The following LRPPRC variants were observed in gnomAD, a reference collection of about 807,000 sequenced individuals.
The protein encoded by LRPPRC is leucine-rich PPR motif-containing protein, mitochondrial.
In LRPPRC, 120 loss-of-function variants were observed where a neutral mutation model predicts 180.3. That is an observed-to-expected ratio of 0.67 (90% CI 0.57 to 0.77). The LOEUF (loss-of-function observed/expected upper bound fraction) is 0.77, where lower values mean the gene tolerates loss of function less well. Ranked by LOEUF, LRPPRC falls within the 30% of genes least tolerant of loss-of-function variation. The pLI is 0.00. For missense variants in LRPPRC, 2,012 were observed against 1,657.2 expected (o/e 1.21, Z -3.72); for synonymous variants, 723 against 600.0 (o/e 1.21, Z -3.00).
At chr2:43,912,580 A>C (rs1351696676) in intron 29 of LRPPRC, 22 bp from the exon 30 acceptor site, 1 of 1,599,436 alleles carries the variant, frequency 6.3e-7, no homozygotes, top group Admixed American at 1.7e-5. Flanking sequence ...AACAGACAAA[A>C]AAAATGAGAT....
In LRPPRC at chr2:43,946,375, C is replaced by T. The variant is rs1672682750; in HGVS notation, c.2080-132G>A. Reference sequence around the variant, plus strand: ...AAATAAATGGTTTCATGTTAACAACCTGACTCTGCCCCTTGATATTTTTAT... The same window carrying T: ...AAATAAATGGTTTCATGTTAACAACTTGACTCTGCCCCTTGATATTTTTAT... On this transcript the variant is annotated intron_variant, in intron 20 of 37. Transcript: ENST00000260665. The T allele has an allele frequency of 7.2e-6, 5 of 696,632 alleles. No individual in the cohort carries two copies. In the Admixed American group the frequency reaches 8.5e-5, roughly 12 times the overall value. 43.2% of individuals were successfully genotyped at this position (696,632 alleles called of 1,614,324 possible).
chr2:43,919,057 G>A (rs545431355), intron 27 of LRPPRC, among the ~76,000 whole-genome samples: 1 of 152,060 alleles, frequency 6.6e-6, no homozygotes, highest in Non-Finnish European at 1.5e-5. Context: ...TACGGTGGGT[G>A]GGCAAGTGAG....
At chr2:43,960,438 CA>C in intron 13 of LRPPRC, 102 bp downstream of exon 13, 1 of 760,414 alleles carries the variant, frequency 1.3e-6, no homozygotes, top group East Asian at 2.5e-5. Context: ...TTTAACAAAA[CA>C]TATAAACCTT....
intron 26 of LRPPRC, 66 bp downstream of exon 26, chr2:43,925,827 A>T: frequency 9.8e-7 from 1 of 1,019,078 alleles, no homozygotes; most frequent in Middle Eastern, 2.0e-4. Context: ...TCTTCATGTG[A>T]TACAGAGGAC....
At chr2:43,980,775 T>C (rs1316139522) in intron 2 of LRPPRC, among the ~76,000 whole-genome samples, 1 of 152,202 alleles carries the variant, frequency 6.6e-6, no homozygotes, top group Non-Finnish European at 1.5e-5. Context: ...ATTCCATTTA[T>C]ATGAAATATC....
rs1442934533 is a variant in LRPPRC at position 43,887,577 on chromosome 2, G to A, written c.*1023C>T. 6.6e-6 allele frequency: 1 copy of A among 152,176 alleles called. No homozygotes were observed. Among genetic ancestry groups the A allele is most frequent in the African/African-American group, 2.4e-5 (1 of 41,438 alleles). The allele number at this position is 152,176 out of a possible 1,614,324, so 9.4% of individuals were successfully genotyped here. On this transcript the variant is annotated 3_prime_UTR_variant, in exon 38 of 38. Transcript: ENST00000260665. The stretch of plus-strand genomic sequence containing the variant: ...CAAGGAATACCCCAAAATGGGGAGA[G>A]TTCTCAAAACATTTTCAACATTTCG...
At chr2:43,945,518 C>G (rs1477579698) in intron 21 of LRPPRC, 101 bp from the exon 22 acceptor site, 4 of 753,736 alleles carry the variant, frequency 5.3e-6, no homozygotes, top group African/African-American at 1.7e-5. Context: ...ATCAGAAGAC[C>G]TGAACTAATG....
chr2:43,921,162 C>G (rs1417656508), intron 27 of LRPPRC, among the ~76,000 whole-genome samples: 2 of 152,082 alleles, frequency 1.3e-5, no homozygotes, highest in Non-Finnish European at 2.9e-5. Context: ...TGTGGTGGTG[C>G]ATGCCTATAA....
chr2:43,895,722 G>A (rs1164227588), intron 35 of LRPPRC, among the ~76,000 whole-genome samples: 2 of 152,096 alleles, frequency 1.3e-5, no homozygotes, highest in Non-Finnish European at 1.5e-5. Flanking sequence ...CTCCCAAACT[G>A]GACACAGCCT....
intron 25 of LRPPRC, among the ~76,000 whole-genome samples, chr2:43,931,628 G>A (rs1672091416): frequency 6.6e-6 from 1 of 152,150 alleles, no homozygotes; most frequent in African/African-American, 2.4e-5. Flanking sequence ...TAAGGTAATG[G>A]TGGTGGATTT....
intron 14 of LRPPRC, among the ~76,000 whole-genome samples, chr2:43,953,387 C>A (rs1356730576): frequency 2.0e-5 from 3 of 152,230 alleles, no homozygotes; most frequent in Non-Finnish European, 4.4e-5. Context: ...TTAGGACTTA[C>A]ATGTTGAAAT....
Position 43,887,227 on chromosome 2 carries a change from C to A in LRPPRC, c.*1373G>T, listed in dbSNP as rs1670300411. On this transcript the variant is annotated 3_prime_UTR_variant, in exon 38 of 38. Transcript: ENST00000260665. ...CATCTGGGCAGTGCTCAAGGGAAAGCCGCACTATGTCCACTGGGCCAAGAC... is the reference window on the plus strand; with the variant it reads ...CATCTGGGCAGTGCTCAAGGGAAAGACGCACTATGTCCACTGGGCCAAGAC... 6.6e-6 allele frequency: 1 copy of A among 151,236 alleles called. No homozygotes were observed. Among genetic ancestry groups the A allele is most frequent in the Non-Finnish European group, 1.5e-5 (1 of 67,924 alleles). 9.4% of individuals were successfully genotyped at this position (151,236 alleles called of 1,614,324 possible).
At chr2:43,946,455 T>C (rs987523551) in intron 20 of LRPPRC, among the ~76,000 whole-genome samples, 1 of 152,054 alleles carries the variant, frequency 6.6e-6, no homozygotes, top group Non-Finnish European at 1.5e-5. Flanking sequence ...AGATGTGTTA[T>C]CTGTAATATA....
Position 43,975,128 on chromosome 2 carries a change from G to C in LRPPRC, c.827C>G (p.Ala276Gly). The C allele has an allele frequency of 6.2e-7, 1 of 1,613,090 alleles. No homozygotes were observed. The highest frequency in any genetic ancestry group is 8.5e-7 in the Non-Finnish European group (1 of 1,179,420). Residue 276 changes from alanine (A) to glycine (G), a missense_variant, in exon 7 of 38, where the codon GCA becomes GGA. By Grantham distance (60) the Ala-to-Gly change is moderately conservative. Coordinates refer to ENST00000260665, the MANE Select transcript of LRPPRC (RefSeq NM_133259.4). ...GTCAATGTCGCCCTTCTCAGCATAT[G>C]CATTCAATAATGCGAGGTATGTGTC... Reference protein sequence around the residue: ...GPDTYLALLNAYAEKGDIDHV... With the variant: ...GPDTYLALLNGYAEKGDIDHV...
rs575404480 is a variant in LRPPRC at position 43,976,056 on chromosome 2, C to T, written c.737+87G>A. 1,250 of 778,000 alleles carry T rather than the reference C, an allele frequency of 1.6e-3. 3 individuals are homozygous for T. The highest frequency in any genetic ancestry group is 2.5e-3 in the Non-Finnish European group (1,106 of 439,176). The allele number at this position is 778,000 out of a possible 1,614,324, so 48.2% of individuals were successfully genotyped here. On this transcript the variant is annotated intron_variant, in intron 6 of 37. Coordinates refer to ENST00000260665, the MANE Select transcript of LRPPRC (RefSeq NM_133259.4). Reference sequence around the variant, plus strand: ...ATAATTTTCTCTAATTTAAACCCCACTTAACAAACAAAAAAGGAGTAAAAT... The same window carrying T: ...ATAATTTTCTCTAATTTAAACCCCATTTAACAAACAAAAAAGGAGTAAAAT...
intron 29 of LRPPRC, among the ~76,000 whole-genome samples, chr2:43,914,985 A>G (rs974864986): frequency 1.4e-5 from 2 of 147,596 alleles, no homozygotes; most frequent in African/African-American, 5.0e-5. Flanking sequence ...CAGGTGGGCG[A>G]TCACTTGAGG....
intron 30 of LRPPRC, among the ~76,000 whole-genome samples, chr2:43,908,898 A>G (rs1045725971): frequency 6.6e-6 from 1 of 152,240 alleles, no homozygotes; most frequent in Non-Finnish European, 1.5e-5. Context: ...ACAGCTATTT[A>G]TGGATCCAGA....
chr2:43,977,028 A>C lies in LRPPRC; in HGVS notation c.616T>G (p.Ser206Ala). 1 of 1,613,540 alleles carries C rather than the reference A, an allele frequency of 6.2e-7. No homozygotes were observed. Among genetic ancestry groups the C allele is most frequent in the Non-Finnish European group, 8.5e-7 (1 of 1,179,606 alleles). ...NRVTYQRLIA[S>A]YCNVGDIEGA... Reference sequence around the variant, plus strand: ...TCAATATCTCCTACATTACAATAAGAAGCAATCAATCTCTGGTATGTCACC... The same window carrying C: ...TCAATATCTCCTACATTACAATAAGCAGCAATCAATCTCTGGTATGTCACC... Residue 206 changes from serine to alanine, a missense_variant, in exon 5 of 38, where the codon TCT becomes GCT. By Grantham distance (99) the Ser-to-Ala change is moderately conservative. Transcript: ENST00000260665.
chr2:43,983,433 TA>T (rs1229475763), intron 1 of LRPPRC, among the ~76,000 whole-genome samples: 7 of 152,152 alleles, frequency 4.6e-5, no homozygotes, highest in Non-Finnish European at 1.0e-4. Flanking sequence ...CTATTCTAGG[TA>T]AAAATATAAG....
Sources: allele counts gnomAD v4.1 joint callset (sites outside exome capture counted in the v4.1 genomes callset), GRCh38; gene constraint gnomAD v4.1.1; transcripts MANE v1.5; gene names NCBI Gene and HGNC (gene_info 2026-07-23, HGNC 2026-07-21).